The following RCC1L variants were observed in gnomAD, a reference collection of about 807,000 sequenced individuals.
RCC1L encodes RCC1 like, also known as RCC1-like G exchanging factor-like protein.
Under a neutral mutation model 58.6 loss-of-function variants are expected in RCC1L, and 46 were observed. The ratio of observed to expected loss-of-function variants is 0.79; its 90% CI spans 0.62 to 1.00. The LOEUF (loss-of-function observed/expected upper bound fraction) is 1.00, where lower values mean the gene tolerates loss of function less well. RCC1L is among the 50% of genes least tolerant of loss of function. The pLI, the probability that RCC1L is intolerant of heterozygous loss-of-function variation, is 0.00. For missense variants in RCC1L, 636 were observed against 623.6 expected, an observed-to-expected ratio of 1.02 and a Z score of -0.21; for synonymous variants, 281 against 262.9, an observed-to-expected ratio of 1.07 and a Z score of -0.67.
intron 1 of RCC1L, among the ~76,000 whole-genome samples, chr7:75,072,157 T>TATATATATATATATATAG (rs1346333578): frequency 1.8e-5 from 1 of 56,362 alleles, no homozygotes; most frequent in Non-Finnish European, 3.8e-5. Flanking sequence ...TACATATACA[T>TATATATATATATATATAG]ATACATATAT....
chr7:75,031,191 G>A (rs1417674889), intron 10 of RCC1L, among the ~76,000 whole-genome samples: 1 of 152,148 alleles, frequency 6.6e-6, no homozygotes, highest in Non-Finnish European at 1.5e-5. Flanking sequence ...GTGGATGGAT[G>A]GTGTACTGAG....
chr7:75,064,803 G>C, intron 3 of RCC1L, 155 bp from the exon 4 acceptor site: 1 of 808,836 alleles, frequency 1.2e-6, no homozygotes, highest in Non-Finnish European at 2.1e-6. Flanking sequence ...CTCAGGCTCT[G>C]CAGAAACTCA....
intron 4 of RCC1L, among the ~76,000 whole-genome samples, chr7:75,064,058 G>A (rs1008577566): frequency 1.3e-5 from 2 of 152,164 alleles, no homozygotes; most frequent in Admixed American, 6.6e-5. Context: ...AGGGCAGGAC[G>A]TGGGGGCTCA....
chr7:75,063,811 T>C (rs1472219365), intron 4 of RCC1L, among the ~76,000 whole-genome samples: 1 of 151,950 alleles, frequency 6.6e-6, no homozygotes, highest in African/African-American at 2.4e-5. Flanking sequence ...TCCCAGCTAT[T>C]CGGGAGGCTG....
intron 10 of RCC1L, among the ~76,000 whole-genome samples, chr7:75,030,753 C>T (rs1194443317): frequency 2.0e-5 from 3 of 152,168 alleles, no homozygotes; most frequent in Non-Finnish European, 2.9e-5. Flanking sequence ...AGAATTCACA[C>T]GCCGTTGCCT....
chr7:75,064,795 C>A lies in RCC1L; in HGVS notation c.584-147G>T. On this transcript the variant is annotated intron_variant, in intron 3 of 10. Coordinates refer to ENST00000610322, the MANE Select transcript of RCC1L (RefSeq NM_030798.5). ...CCTGGGTTTCCTTCTCCAACTTTCT[C>A]AGGCTCTGCAGAAACTCACAAGGGG... 4.7e-6 allele frequency: 4 copies of A among 844,616 alleles called. No homozygotes were observed. In the South Asian group the frequency reaches 5.5e-5, roughly 12 times the overall value. 52.3% of individuals were successfully genotyped at this position (844,616 alleles called of 1,614,324 possible).
intron 1 of RCC1L, 91 bp from the exon 2 acceptor site, chr7:75,070,860 A>ACATAC: frequency 1.9e-6 from 3 of 1,543,464 alleles, no homozygotes; most frequent in East Asian, 2.3e-5. Context: ...ATCCAAGAAC[A>ACATAC]CATACTATTT....
rs1458022288 is a variant in RCC1L at position 75,058,788 on chromosome 7, CA to C, written c.788-20del. ...CCCAGACCTAACACAGTGGAAAATA[CA>C]GATTTTTAATTATTCGCTCTTTTAA... On this transcript the variant is annotated intron_variant, in intron 6 of 10. Transcript: ENST00000610322. 3 of 1,613,798 alleles carry C rather than the reference CA, an allele frequency of 1.9e-6. No homozygotes were observed. Among genetic ancestry groups the C allele is most frequent in the Non-Finnish European group, 2.5e-6 (3 of 1,179,746 alleles).
intron 6 of RCC1L, among the ~76,000 whole-genome samples, chr7:75,059,267 C>CT (rs1242893209): frequency 8.4e-4 from 118 of 140,160 alleles, no homozygotes; most frequent in East Asian, 1.4e-3. Flanking sequence ...GCTCATACAA[C>CT]TTTTTTTTTT....
intron 5 of RCC1L, among the ~76,000 whole-genome samples, chr7:75,061,801 C>A (rs1806287154): frequency 6.6e-6 from 1 of 152,212 alleles, no homozygotes; most frequent in Non-Finnish European, 1.5e-5. Flanking sequence ...GTTCCAAACT[C>A]ATTTTTCTAA....
chr7:75,046,237 C>T (rs1459798425), intron 10 of RCC1L, among the ~76,000 whole-genome samples: 3 of 152,186 alleles, frequency 2.0e-5, no homozygotes, highest in African/African-American at 2.4e-5. Flanking sequence ...CAAACAAGAA[C>T]GGGGCCCAGT....
intron 4 of RCC1L, 91 bp from the exon 5 acceptor site, chr7:75,063,434 G>C: frequency 7.7e-7 from 1 of 1,303,872 alleles, no homozygotes; most frequent in South Asian, 1.2e-5. Context: ...CTGATGGCCC[G>C]TCCCCTCCGC....
chr7:75,039,447 G>A (rs1297295939), downstream of RCC1L, among the ~76,000 whole-genome samples: 1 of 152,238 alleles, frequency 6.6e-6, no homozygotes, highest in Non-Finnish European at 1.5e-5. Context: ...AACAAGTCAT[G>A]ACAGCATCCT....
At chr7:75,059,319 G>A (rs1806199791) in intron 6 of RCC1L, among the ~76,000 whole-genome samples, 1 of 149,684 alleles carries the variant, frequency 6.7e-6, no homozygotes, top group Admixed American at 6.7e-5. Context: ...CTGCAGCGCA[G>A]TGGTGCGATC....
Position 75,057,516 on chromosome 7 carries a change from A to G in RCC1L, c.1057+13T>C. On this transcript the variant is annotated intron_variant, in intron 8 of 10. Transcript: ENST00000610322. The stretch of plus-strand genomic sequence containing the variant: ...TACAGCTTCCCAATGAGCCACCGGA[A>G]AGAAGGTCTCACCGTTTAACACTGC... The G allele has an allele frequency of 6.2e-7, 1 of 1,613,754 alleles. No individual in the cohort carries two copies. Among genetic ancestry groups the G allele is most frequent in the Non-Finnish European group, 8.5e-7 (1 of 1,179,702 alleles).
chr7:75,072,781 A>G (rs1293585159), intron 1 of RCC1L, among the ~76,000 whole-genome samples: 1 of 152,154 alleles, frequency 6.6e-6, no homozygotes, highest in Non-Finnish European at 1.5e-5. Context: ...GTTCAAGACC[A>G]GTCTAGCAAA....
At chr7:75,035,868 T>C (rs1471328426) in intron 10 of RCC1L, among the ~76,000 whole-genome samples, 1 of 151,486 alleles carries the variant, frequency 6.6e-6, no homozygotes, top group Admixed American at 6.6e-5. Flanking sequence ...TAGCCGGGCA[T>C]GGCTTGCGTG....
At chr7:75,039,803 G>A (rs940232615), downstream of RCC1L, among the ~76,000 whole-genome samples, 31 of 152,308 alleles carry the variant, frequency 2.0e-4, no homozygotes, top group African/African-American at 7.5e-4. Context: ...TGCCATTCAC[G>A]TGCTCACTAA....
Position 75,052,590 on chromosome 7 carries a change from C to T in RCC1L, c.1317+121G>A, listed in dbSNP as rs979790569. 1.3e-3 allele frequency: 1,155 copies of T among 910,846 alleles called. 9 individuals carry two copies. In the African/African-American group the frequency reaches 0.014, roughly 11 times the overall value. The allele number at this position is 910,846 out of a possible 1,614,324, so 56.4% of individuals were successfully genotyped here. Reference sequence around the variant, plus strand: ...GCGCTGCAGGAGTGCAGCCAGGACCCGGAAGGGGGAGCAGGTCCCATGGCC... The same window carrying T: ...GCGCTGCAGGAGTGCAGCCAGGACCTGGAAGGGGGAGCAGGTCCCATGGCC... On this transcript the variant is annotated intron_variant, in intron 10 of 10. Transcript: ENST00000610322.
Sources: gnomAD v4.1 joint callset for allele counts (sites outside exome capture counted in the v4.1 genomes callset) on GRCh38, gnomAD v4.1.1 for gene constraint, MANE v1.5 for transcripts, NCBI Gene and HGNC (gene_info 2026-07-23, HGNC 2026-07-21) for gene names.